Variants in PPP2R3B observed in about 807,000 individuals in gnomAD.
The protein encoded by PPP2R3B is serine/threonine-protein phosphatase 2A regulatory subunit B'' subunit beta.
In PPP2R3B, 68 loss-of-function variants were observed where a neutral mutation model predicts 72.9. The observed-to-expected ratio is 0.93, with a 90% confidence interval of 0.77 to 1.14. PPP2R3B has a LOEUF of 1.14. PPP2R3B is among the 50% of genes most tolerant of loss of function. PPP2R3B has a pLI of 0.00. For synonymous variants in PPP2R3B, 466 were observed against 375.8 expected (o/e 1.24, Z -2.78); for missense variants, 1,018 against 842.0 (o/e 1.21, Z -2.59).
At chrX:373,606 G>A (rs763276859) in intron 1 of PPP2R3B, 30 of 297,280 alleles carry the variant, frequency 1.0e-4, no homozygotes, top group South Asian at 2.6e-5. Context: ...AGTGAGGCCA[G>A]CTCCTGGCGC....
chrX:340,966 C>T (rs775152581), intron 9 of PPP2R3B, 26 bp from the exon 10 acceptor site: 3 of 1,604,278 alleles, frequency 1.9e-6, no homozygotes, highest in Non-Finnish European at 2.6e-6. Context: ...CTCTGTCAGC[C>T]CCTGCCCTGG....
At position 346,273 on chromosome X, in the gene PPP2R3B, T is replaced by G; in HGVS notation, c.793-13A>C. 1 of 1,557,942 alleles carries G rather than the reference T, an allele frequency of 6.4e-7. No homozygotes were observed. The highest frequency in any genetic ancestry group is 8.7e-7 in the Non-Finnish European group (1 of 1,152,830). On this transcript the variant is annotated splice_polypyrimidine_tract_variant and intron_variant, in intron 5 of 12. Coordinates refer to ENST00000390665, the MANE Select transcript of PPP2R3B (RefSeq NM_013239.5). ...TCCGCTGGATGACCTGCGGGGGCGC[T>G]GTCAGTGCGGTGGGTGCGCAGAGAC... is the stretch of plus-strand genomic sequence containing the variant.
chrX:374,248 G>C (rs901627593), intron 1 of PPP2R3B, among the ~76,000 whole-genome samples: 11 of 152,154 alleles, frequency 7.2e-5, no homozygotes, highest in Admixed American at 1.3e-4. Context: ...GACAACACCA[G>C]AGCTGGCTGC....
chrX:354,115 G>A (rs1569395490), intron 2 of PPP2R3B, among the ~76,000 whole-genome samples: 1 of 129,402 alleles, frequency 7.7e-6, no homozygotes, highest in Admixed American at 7.5e-5. Context: ...CCCAAACACA[G>A]GGGGCTCACC....
At chrX:384,142 T>A (rs1169616497) in intron 1 of PPP2R3B, among the ~76,000 whole-genome samples, 4 of 152,046 alleles carry the variant, frequency 2.6e-5, no homozygotes, top group South Asian at 2.1e-4. Context: ...AAATGTCCTT[T>A]TAGGTTATTC....
chrX:360,493 C>T (rs1266664819), intron 2 of PPP2R3B, among the ~76,000 whole-genome samples: 1 of 152,204 alleles, frequency 6.6e-6, no homozygotes, highest in Non-Finnish European at 1.5e-5. Context: ...GAGATTACAC[C>T]ACTGCACTCC....
chrX:360,756 A>C (rs773728189), intron 2 of PPP2R3B, among the ~76,000 whole-genome samples: 1 of 152,178 alleles, frequency 6.6e-6, no homozygotes, highest in Non-Finnish European at 1.5e-5. Flanking sequence ...GTCCCTGGAA[A>C]CACAACCACC....
At chrX:338,576 C>CCCCCACTCACCCGTCCT in intron 12 of PPP2R3B, 28 bp downstream of exon 12, 30 of 1,460,936 alleles carry the variant, frequency 2.1e-5, no homozygotes, top group East Asian at 7.9e-5. Context: ...CTGACCCGTC[C>CCCCCACTCACCCGTCCT]CCCCACTCAC....
chrX:375,826 C>T (rs773835772), intron 1 of PPP2R3B, among the ~76,000 whole-genome samples: 72 of 152,268 alleles, frequency 4.7e-4, no homozygotes, highest in African/African-American at 1.7e-3. Context: ...AGGTGACACA[C>T]GCCCTGTCCT....
chrX:386,656 C>A lies in PPP2R3B; in HGVS notation c.36G>T (p.Lys12Asn). Residue 12 changes from lysine (K) to asparagine (N), a missense_variant, in exon 1 of 13, where the codon AAG (lysine) becomes AAT (asparagine). By Grantham distance (94) the Lys-to-Asn change is moderately conservative. Coordinates refer to ENST00000390665, the MANE Select transcript of PPP2R3B (RefSeq NM_013239.5). Reference protein sequence around the residue: ...PPGKVLQPVLKMKVDELFLYW... With the variant: ...PPGKVLQPVLNMKVDELFLYW... Reference sequence around the variant, plus strand: ...ACAGGAACAGCTCGTCCACCTTCATCTTCAGGACCGGCTGCAGCACTTTGC... The same window carrying A: ...ACAGGAACAGCTCGTCCACCTTCATATTCAGGACCGGCTGCAGCACTTTGC... 1.4e-6 allele frequency: 2 copies of A among 1,401,292 alleles called. No individual in the cohort carries two copies. The highest frequency in any genetic ancestry group is 1.6e-5 in the South Asian group (1 of 63,188). 86.8% of individuals were successfully genotyped at this position (1,401,292 alleles called of 1,614,324 possible).
At chrX:382,685 A>C (rs948180871) in intron 1 of PPP2R3B, among the ~76,000 whole-genome samples, 14 of 152,090 alleles carry the variant, frequency 9.2e-5, no homozygotes, top group African/African-American at 2.9e-4. Flanking sequence ...AGAATATATC[A>C]TCCTCTCACA....
In PPP2R3B at chrX:341,390, T is replaced by C. The variant is rs1320137294; in HGVS notation, c.1092A>G (p.Arg364=). The C allele has an allele frequency of 1.9e-6, 3 of 1,612,650 alleles. No homozygotes were observed. The highest frequency in any genetic ancestry group is 2.2e-5 in the South Asian group (2 of 91,084). The part of the protein sequence containing the change: ...RIFSGAVTRG[R]KVQKEGKISY... Reference sequence around the variant, plus strand: ...TGATCTTCCCTTCCTTCTGCACTTTTCTGCCTCTAGATCGAAAGCCAGGAT... The same window carrying C: ...TGATCTTCCCTTCCTTCTGCACTTTCCTGCCTCTAGATCGAAAGCCAGGAT... The change falls in exon 9 of 13, where the codon AGA becomes AGG. Residue 364 remains arginine, a synonymous_variant. Transcript: ENST00000390665.
intron 1 of PPP2R3B, among the ~76,000 whole-genome samples, chrX:375,343 C>T (rs866432634): frequency 2.0e-5 from 3 of 148,784 alleles, no homozygotes; most frequent in South Asian, 2.1e-4. Context: ...GCAGAGGTGC[C>T]GCCCAGTCAC....
intron 2 of PPP2R3B, among the ~76,000 whole-genome samples, chrX:357,072 G>A (rs1288794600): frequency 6.6e-6 from 1 of 152,190 alleles, no homozygotes; most frequent in Admixed American, 6.5e-5. Context: ...GATGCTGCCA[G>A]GAAGAAGTTA....
In PPP2R3B at chrX:340,759, C is replaced by A. The variant is rs771184795; in HGVS notation, c.1351+6G>T. On this transcript the variant is annotated splice_donor_region_variant and intron_variant, in intron 10 of 12. Transcript: ENST00000390665. ...CACCCTGGGCCATGCCCTCACGGGG[C>A]ATCACCTTCAGTCCTCGGCTTGACC... is the stretch of plus-strand genomic sequence containing the variant. 34 of 1,607,114 alleles carry A rather than the reference C, an allele frequency of 2.1e-5. No homozygotes were observed. The highest frequency in any genetic ancestry group is 1.8e-4 in the Middle Eastern group (1 of 5,432).
chrX:357,626 G>C (rs1194478459), intron 2 of PPP2R3B, among the ~76,000 whole-genome samples: 1 of 152,182 alleles, frequency 6.6e-6, no homozygotes, highest in Non-Finnish European at 1.5e-5. Context: ...AAAAGCTTTA[G>C]AGCAAGAAAT....
intron 1 of PPP2R3B, among the ~76,000 whole-genome samples, chrX:375,772 G>C: frequency 9.5e-6 from 1 of 105,434 alleles, no homozygotes; most frequent in East Asian, 2.6e-4. Flanking sequence ...GAGCCAACGG[G>C]CGCGATCCTC....
rs192943945 is a variant in PPP2R3B, at chrX:348,124, C to T, written c.511-431G>A. ...GCAGCGACCCATGGCAGGTTCACAG[C>T]CTTAAATACACGCGTGAGGAAGGAA... On this transcript the variant is annotated intron_variant, in intron 2 of 12. Coordinates refer to ENST00000390665, the MANE Select transcript of PPP2R3B (RefSeq NM_013239.5). Among the ~76,000 whole-genome samples the T allele has an allele frequency of 1.8e-3, 269 of 152,228 alleles. 1 individual carries two copies. Among genetic ancestry groups the T allele is most frequent in the African/African-American group, 6.2e-3 (256 of 41,514 alleles).
At chrX:360,420 G>A (rs903538845) in intron 2 of PPP2R3B, among the ~76,000 whole-genome samples, 1 of 152,196 alleles carries the variant, frequency 6.6e-6, no homozygotes, top group African/African-American at 2.4e-5. Flanking sequence ...TATAGTCCCA[G>A]CTACTTGGGA....
Sources: allele counts gnomAD v4.1 joint callset (sites outside exome capture counted in the v4.1 genomes callset), GRCh38; gene constraint gnomAD v4.1.1; transcripts MANE v1.5; gene names NCBI Gene and HGNC (gene_info 2026-07-23, HGNC 2026-07-21).